TUSC3: variants seen among roughly 807,000 people sequenced by gnomAD.
TUSC3 encodes dolichyl-diphosphooligosaccharide--protein glycosyltransferase subunit TUSC3.
TUSC3 carries 45 observed loss-of-function variants against 44.8 expected under a neutral mutation model. The ratio of observed to expected loss-of-function variants is 1.00; its 90% CI spans 0.79 to 1.29. The LOEUF is 1.29. Ranked by LOEUF, TUSC3 falls within the 50% of genes most tolerant of loss-of-function variation. The pLI is 0.00. For missense variants in TUSC3, 519 were observed against 437.9 expected (o/e 1.19, Z -1.65); for synonymous variants, 212 against 152.9 (o/e 1.39, Z -2.85).
intron 8 of TUSC3, among the ~76,000 whole-genome samples, chr8:15,745,912 T>G (rs929387872): frequency 2.0e-5 from 3 of 152,132 alleles, no homozygotes; most frequent in Admixed American, 1.3e-4. Flanking sequence ...TTTAAAGTTT[T>G]AGGTGTTACA....
chr8:15,571,195 C>A (rs942827673), intron 1 of TUSC3, among the ~76,000 whole-genome samples: 7 of 151,816 alleles, frequency 4.6e-5, no homozygotes, highest in Non-Finnish European at 7.4e-5. Flanking sequence ...TTCAGGGGAT[C>A]CACCTGCCTC....
At chr8:15,539,345 CTTTTTTTTTTT>C (rs35685582), upstream of TUSC3, among the ~76,000 whole-genome samples, 1 of 69,404 alleles carries the variant, frequency 1.4e-5, no homozygotes, top group East Asian at 5.0e-4. Context: ...TGCTATGGTT[CTTTTTTTTTTT>C]TTTTTTTTTT....
chr8:15,450,517 C>A (rs547122344), intron 1 of TUSC3, among the ~76,000 whole-genome samples: 14 of 152,110 alleles, frequency 9.2e-5, no homozygotes, highest in African/African-American at 3.1e-4. Context: ...AACCCCATCT[C>A]TAGTAAAAAT....
intron 2 of TUSC3, among the ~76,000 whole-genome samples, chr8:15,503,714 A>G (rs866030548): frequency 1.3e-5 from 2 of 152,028 alleles, no homozygotes; most frequent in Non-Finnish European, 2.9e-5. Context: ...TTAAACAAAA[A>G]AATATCGGCC....
chr8:15,601,551 C>T (rs1417452156), intron 1 of TUSC3, among the ~76,000 whole-genome samples: 2 of 151,684 alleles, frequency 1.3e-5, no homozygotes, highest in African/African-American at 4.8e-5. Flanking sequence ...GGAGGCCACA[C>T]AGCTGATCAG....
chr8:15,634,838 G>T (rs1805992092), intron 2 of TUSC3, among the ~76,000 whole-genome samples: 1 of 152,182 alleles, frequency 6.6e-6, no homozygotes, highest in African/African-American at 2.4e-5. Flanking sequence ...ATTATCAGAT[G>T]TTCGTCTGGA....
At chr8:15,824,725 C>T in the TUSC3 span, among the ~76,000 whole-genome samples, 3 of 152,274 alleles carry the variant, frequency 2.0e-5, no homozygotes, top group South Asian at 2.1e-4. Context: ...ACGTTGTGCA[C>T]ATGTACCCTA....
intron 1 of TUSC3, among the ~76,000 whole-genome samples, chr8:15,610,502 A>C (rs73193382): frequency 0.08 from 12,219 of 151,854 alleles, 616 homozygotes; most frequent in South Asian, 0.24. Context: ...ATTTATTTTA[A>C]ATCTTTGGAA....
At chr8:15,554,066 C>T (rs1224984884) in intron 1 of TUSC3, among the ~76,000 whole-genome samples, 1 of 151,528 alleles carries the variant, frequency 6.6e-6, no homozygotes, top group African/African-American at 2.4e-5. Flanking sequence ...TGGTGAGGCC[C>T]ACTTTCTCGG....
chr8:15,638,930 C>A (rs1244693494), intron 2 of TUSC3, among the ~76,000 whole-genome samples: 1 of 151,272 alleles, frequency 6.6e-6, no homozygotes, highest in African/African-American at 2.4e-5. Context: ...GATGCTAGAT[C>A]ACGTGATGTT....
At chr8:15,805,933 G>C in the TUSC3 span, among the ~76,000 whole-genome samples, 3 of 152,222 alleles carry the variant, frequency 2.0e-5, no homozygotes, top group African/African-American at 7.2e-5. Flanking sequence ...TTGAATTATG[G>C]TTTGAAATCA....
At chr8:15,847,939 C>G in the TUSC3 span, among the ~76,000 whole-genome samples, 1 of 152,080 alleles carries the variant, frequency 6.6e-6, no homozygotes, top group Non-Finnish European at 1.5e-5. Context: ...ATCATTCTTT[C>G]TTTCAGAAAA....
At chr8:15,524,942 T>TA (rs993997607) in intron 2 of TUSC3, among the ~76,000 whole-genome samples, 20 of 152,218 alleles carry the variant, frequency 1.3e-4, no homozygotes, top group Admixed American at 2.0e-4. Context: ...AATTTTAGAC[T>TA]AAAAGGGGGC....
At chr8:15,540,188 T>TC (rs1801627237), upstream of TUSC3, 1 of 485,186 alleles carries the variant, frequency 2.1e-6, no homozygotes, top group African/African-American at 2.0e-5. Context: ...GAAGCCTGGC[T>TC]CCCTCGCCAC....
the TUSC3 span, among the ~76,000 whole-genome samples, chr8:15,778,048 G>T: frequency 6.7e-6 from 1 of 149,714 alleles, no homozygotes; most frequent in Non-Finnish European, 1.5e-5. Context: ...TTCAATCAGA[G>T]ACTCTGCCTT....
At chr8:15,696,066 A>T (rs1357085464) in intron 6 of TUSC3, among the ~76,000 whole-genome samples, 1 of 152,210 alleles carries the variant, frequency 6.6e-6, no homozygotes, top group Non-Finnish European at 1.5e-5. Flanking sequence ...AGTAATGAGG[A>T]GCTGAATGTT....
intron 1 of TUSC3, among the ~76,000 whole-genome samples, chr8:15,470,382 A>C (rs1585056762): frequency 6.6e-6 from 1 of 152,112 alleles, no homozygotes; most frequent in East Asian, 1.9e-4. Context: ...TGCCTTCCTT[A>C]TACATTGTCA....
intron 5 of TUSC3, among the ~76,000 whole-genome samples, chr8:15,663,500 G>A (rs1585206102): frequency 1.3e-5 from 2 of 151,950 alleles, no homozygotes; most frequent in East Asian, 3.9e-4. Flanking sequence ...AGACTGAGAA[G>A]CAGCCCAGGC....
chr8:15,423,987 T>TTG (rs1799774120), intron 1 of TUSC3, among the ~76,000 whole-genome samples: 1 of 124,836 alleles, frequency 8.0e-6, no homozygotes, highest in East Asian at 2.6e-4. Context: ...TTTTTTTTTT[T>TTG]TTTTTTTTTT....
Sources: gnomAD v4.1 joint callset for allele counts (sites outside exome capture counted in the v4.1 genomes callset) on GRCh38, gnomAD v4.1.1 for gene constraint, MANE v1.5 for transcripts, NCBI Gene and HGNC (gene_info 2026-07-23, HGNC 2026-07-21) for gene names.